The following STK32A variants were observed in gnomAD, a reference collection of about 807,000 sequenced individuals.
The protein encoded by STK32A is serine/threonine-protein kinase 32A.
Under a neutral mutation model 53.2 loss-of-function variants are expected in STK32A, and 41 were observed. The ratio of observed to expected loss-of-function variants is 0.77; its 90% CI spans 0.60 to 1.00. The LOEUF (loss-of-function observed/expected upper bound fraction) is 1.00. STK32A is among the 50% of genes least tolerant of loss of function. The pLI is 0.00. For missense variants in STK32A, 458 were observed against 485.8 expected (o/e 0.94, Z 0.54); for synonymous variants, 166 against 162.8 (o/e 1.02, Z -0.15).
chr5:147,287,043 A>G (rs1377784581), intron 4 of STK32A, among the ~76,000 whole-genome samples: 1 of 152,192 alleles, frequency 6.6e-6, no homozygotes, highest in Non-Finnish European at 1.5e-5. Flanking sequence ...TTAGGCAGCC[A>G]CATATATACC....
At chr5:147,357,431 A>G (rs1215313197) in intron 7 of STK32A, among the ~76,000 whole-genome samples, 1 of 152,062 alleles carries the variant, frequency 6.6e-6, no homozygotes, top group Non-Finnish European at 1.5e-5. Context: ...TAAGGTGTTA[A>G]TACTTTTATC....
At chr5:147,377,359 T>C (rs1757273378) in intron 11 of STK32A, among the ~76,000 whole-genome samples, 1 of 152,138 alleles carries the variant, frequency 6.6e-6, no homozygotes, top group Admixed American at 6.6e-5. Context: ...TCTGAGCATA[T>C]TCAAGACGGT....
chr5:147,272,652 G>C (rs1229317823), intron 2 of STK32A, among the ~76,000 whole-genome samples: 1 of 152,134 alleles, frequency 6.6e-6, no homozygotes, highest in Non-Finnish European at 1.5e-5. Context: ...TTGCTTCATG[G>C]AACTGGAACT....
At position 147,327,920 on chromosome 5, in the gene STK32A, G is replaced by C. The variant is rs560366791; in HGVS notation, c.434+3849G>C. On this transcript the variant is annotated intron_variant, in intron 5 of 12. Coordinates refer to ENST00000397936, the MANE Select transcript of STK32A (RefSeq NM_001112724.2). ...CAGACGAAAGTGGTACATGTGGAAC[G>C]GACAGACAGAGAACAGCCTAAAATT... is the stretch of plus-strand genomic sequence containing the variant. Among the ~76,000 whole-genome samples the C allele has an allele frequency of 3.9e-5, 6 of 152,252 alleles. No homozygotes were observed. The East Asian group carries it at 1.2e-3, about 29-fold the overall frequency.
chr5:147,276,749 C>T (rs1755278410), intron 2 of STK32A, among the ~76,000 whole-genome samples: 1 of 152,154 alleles, frequency 6.6e-6, no homozygotes, highest in Non-Finnish European at 1.5e-5. Context: ...GAAGAGAAGT[C>T]ATTCCCTTGA....
At chr5:147,294,450 C>G (rs531895230) in intron 4 of STK32A, among the ~76,000 whole-genome samples, 1 of 151,812 alleles carries the variant, frequency 6.6e-6, no homozygotes, top group Admixed American at 6.6e-5. Flanking sequence ...TTAGTACAGA[C>G]GGGGTTTCAC....
the STK32A span, chr5:147,395,786 C>G: frequency 4.6e-5 from 72 of 1,576,400 alleles, no homozygotes; most frequent in African/African-American, 9.4e-4. Context: ...TTCTAGGTAT[C>G]ATAAATATAT....
chr5:147,306,400 T>G (rs1205147200), intron 4 of STK32A, among the ~76,000 whole-genome samples: 2 of 151,982 alleles, frequency 1.3e-5, no homozygotes, highest in Admixed American at 1.3e-4. Context: ...AAGTCAGGTG[T>G]TGTTCCAGGT....
chr5:147,317,475 G>A lies in STK32A; in HGVS notation c.261-6423G>A, dbSNP rs1053993628. Among the ~76,000 whole-genome samples, 4 of 151,512 alleles carry A rather than the reference G, an allele frequency of 2.6e-5. No homozygotes were observed. The East Asian group carries it at 5.8e-4, about 22-fold the overall frequency. On this transcript the variant is annotated intron_variant, in intron 4 of 12. Transcript: ENST00000397936. The stretch of plus-strand genomic sequence containing the variant: ...CCTGAGTAGCTGAGATTATAGGTGC[G>A]CGCCACCATGCCCAGCTAATTTTTG...
intron 4 of STK32A, among the ~76,000 whole-genome samples, chr5:147,314,935 G>A (rs1382029795): frequency 6.6e-6 from 1 of 151,886 alleles, no homozygotes; most frequent in African/African-American, 2.4e-5. Flanking sequence ...TGTAGACACA[G>A]TGTCTCACTA....
intron 4 of STK32A, among the ~76,000 whole-genome samples, chr5:147,280,437 G>A (rs951435835): frequency 6.6e-6 from 1 of 150,850 alleles, no homozygotes; most frequent in African/African-American, 2.5e-5. Flanking sequence ...GATGGGGGAG[G>A]GGGGTGGTGG....
intron 5 of STK32A, among the ~76,000 whole-genome samples, chr5:147,339,075 C>A (rs748010680): frequency 1.3e-5 from 2 of 152,136 alleles, no homozygotes; most frequent in Non-Finnish European, 2.9e-5. Context: ...ATGGCCAAGA[C>A]GATGGGGAAA....
intron 7 of STK32A, among the ~76,000 whole-genome samples, chr5:147,351,846 AAAACAAACAAAC>A (rs554914252): frequency 1.3e-4 from 20 of 152,106 alleles, no homozygotes; most frequent in African/African-American, 2.7e-4. Context: ...ATTTCGTCTC[AAAACAAACAAAC>A]AAACAAACAA....
chr5:147,282,426 C>T (rs369721094), intron 4 of STK32A, among the ~76,000 whole-genome samples: 14 of 152,154 alleles, frequency 9.2e-5, no homozygotes, highest in Admixed American at 5.2e-4. Context: ...ATGAATGCAA[C>T]GGTACCTCAC....
At chr5:147,287,154 T>C (rs1355184003) in intron 4 of STK32A, among the ~76,000 whole-genome samples, 1 of 152,216 alleles carries the variant, frequency 6.6e-6, no homozygotes, top group Non-Finnish European at 1.5e-5. Flanking sequence ...GACTGTGATC[T>C]GCGCTCCAAG....
intron 8 of STK32A, among the ~76,000 whole-genome samples, chr5:147,370,278 G>A (rs1190280475): frequency 3.3e-5 from 5 of 152,066 alleles, no homozygotes; most frequent in Non-Finnish European, 5.9e-5. Flanking sequence ...TAATTTTTTA[G>A]ACTTCCATTT....
At chr5:147,346,425 C>T (rs1755695563) in intron 6 of STK32A, among the ~76,000 whole-genome samples, 3 of 152,130 alleles carry the variant, frequency 2.0e-5, no homozygotes, top group African/African-American at 2.4e-5. Context: ...TTATGCAACA[C>T]GATTCAGTAA....
chr5:147,373,790 CAT>C lies in STK32A; in HGVS notation c.903+500_903+501del, dbSNP rs533289744. Among the ~76,000 whole-genome samples the C allele has an allele frequency of 6.6e-5, 10 of 152,224 alleles. No homozygotes were observed. The South Asian group carries it at 1.9e-3, about 28-fold the overall frequency. On this transcript the variant is annotated intron_variant, in intron 10 of 12. Coordinates refer to ENST00000397936, the MANE Select transcript of STK32A (RefSeq NM_001112724.2). ...ATTTGTAAGGACTGATAACCAAAGA[CAT>C]ATAATTCCCATTGGATGGATAGCCA...
chr5:147,268,767 G>A (rs186348724), intron 2 of STK32A, among the ~76,000 whole-genome samples: 152 of 152,252 alleles, frequency 1.0e-3, no homozygotes, highest in African/African-American at 3.6e-3. Context: ...CCTAGACCAA[G>A]GCATCTGGCT....
Sources: allele counts gnomAD v4.1 joint callset (sites outside exome capture counted in the v4.1 genomes callset), GRCh38; gene constraint gnomAD v4.1.1; transcripts MANE v1.5; gene names NCBI Gene and HGNC (gene_info 2026-07-23, HGNC 2026-07-21).